Variants in NHEJ1 observed in about 807,000 individuals in gnomAD.
The protein encoded by NHEJ1 is non-homologous end-joining factor 1.
Under a neutral mutation model 39.4 loss-of-function variants are expected in NHEJ1, and 22 were observed. The ratio of observed to expected loss-of-function variants is 0.56; its 90% confidence interval spans 0.40 to 0.80. The LOEUF (loss-of-function observed/expected upper bound fraction) is 0.80, where lower values mean the gene tolerates loss of function less well. Ranked by LOEUF, NHEJ1 falls within the 30% of genes least tolerant of loss-of-function variation. The pLI is 0.00. For synonymous variants in NHEJ1, 154 were observed against 135.6 expected (o/e 1.14, Z -0.94); for missense variants, 329 against 357.1 (o/e 0.92, Z 0.63).
intron 5 of NHEJ1, among the ~76,000 whole-genome samples, chr2:219,080,635 A>G: frequency 1.4e-5 from 2 of 140,598 alleles, no homozygotes; most frequent in African/African-American, 5.5e-5. Flanking sequence ...GCTAATATAT[A>G]TAAGCTTATA....
At chr2:219,159,566 T>TGA in intron 1 of NHEJ1, among the ~76,000 whole-genome samples, 1 of 17,682 alleles carries the variant, frequency 5.7e-5, no homozygotes, top group Non-Finnish European at 1.3e-4. Context: ...TATATATGCA[T>TGA]ATATATATGC....
intron 5 of NHEJ1, among the ~76,000 whole-genome samples, chr2:219,098,519 G>C (rs1949228677): frequency 6.6e-6 from 1 of 152,192 alleles, no homozygotes; most frequent in African/African-American, 2.4e-5. Flanking sequence ...GTGTCTGAGG[G>C]TACATATGTT....
At chr2:219,093,307 C>T (rs751231351) in intron 5 of NHEJ1, among the ~76,000 whole-genome samples, 5 of 152,054 alleles carry the variant, frequency 3.3e-5, no homozygotes, top group South Asian at 2.1e-4. Context: ...CCAGAGGAAA[C>T]GGAGCAGGAT....
chr2:219,151,545 G>A (rs1436487327), intron 3 of NHEJ1, among the ~76,000 whole-genome samples: 1 of 152,132 alleles, frequency 6.6e-6, no homozygotes, highest in Non-Finnish European at 1.5e-5. Context: ...TAATTTCATA[G>A]GATTGGGTTA....
At chr2:219,158,726 T>C in intron 1 of NHEJ1, 1 of 316,382 alleles carries the variant, frequency 3.2e-6, no homozygotes, top group Non-Finnish European at 6.1e-6. Flanking sequence ...ATCACATTCC[T>C]AATAAATATG....
intron 5 of NHEJ1, among the ~76,000 whole-genome samples, chr2:219,101,303 T>A (rs1224480533): frequency 1.3e-5 from 2 of 152,188 alleles, no homozygotes; most frequent in Non-Finnish European, 2.9e-5. Flanking sequence ...TTAGTAGAGA[T>A]GGCATTTTGC....
chr2:219,103,859 A>C (rs1253970324), intron 5 of NHEJ1, among the ~76,000 whole-genome samples: 3 of 152,206 alleles, frequency 2.0e-5, no homozygotes, highest in Non-Finnish European at 2.9e-5. Flanking sequence ...TGGAGTCCCC[A>C]TTTAGACCAA....
At chr2:219,122,173 T>C (rs1190633498) in intron 5 of NHEJ1, among the ~76,000 whole-genome samples, 1 of 152,222 alleles carries the variant, frequency 6.6e-6, no homozygotes, top group African/African-American at 2.4e-5. Flanking sequence ...GGAGGGTATT[T>C]ACAGCCTTGT....
intron 5 of NHEJ1, among the ~76,000 whole-genome samples, chr2:219,143,827 A>G (rs1404676530): frequency 6.6e-6 from 1 of 152,182 alleles, no homozygotes; most frequent in East Asian, 1.9e-4. Context: ...TGAGCCTCTA[A>G]TTTTATAAAT....
At chr2:219,160,672 C>A (rs529135152) in intron 1 of NHEJ1, 48 bp downstream of exon 1, 58 of 152,466 alleles carry the variant, frequency 3.8e-4, no homozygotes, top group African/African-American at 1.3e-3. Context: ...GTCTGAGCAG[C>A]CCCTCGCTGG....
At chr2:219,134,015 C>T (rs1051211290) in intron 5 of NHEJ1, among the ~76,000 whole-genome samples, 4 of 152,198 alleles carry the variant, frequency 2.6e-5, no homozygotes, top group Non-Finnish European at 5.9e-5. Flanking sequence ...ACTTCTAGCT[C>T]TCCAGCTATC....
chr2:219,160,636 G>A (rs1368101913), intron 1 of NHEJ1, 84 bp downstream of exon 1: 1 of 147,804 alleles, frequency 6.8e-6, no homozygotes, highest in African/African-American at 2.5e-5. Flanking sequence ...AGGGAGAAAA[G>A]GCCAGCGCCA....
chr2:219,089,163 T>C (rs929729944), intron 5 of NHEJ1, among the ~76,000 whole-genome samples: 3 of 152,290 alleles, frequency 2.0e-5, no homozygotes, highest in East Asian at 1.9e-4. Flanking sequence ...TGAATCACTA[T>C]GGAAAACAGC....
intron 5 of NHEJ1, among the ~76,000 whole-genome samples, chr2:219,102,079 G>C (rs72951738): frequency 0.1 from 15,781 of 152,114 alleles, 822 homozygotes; most frequent in East Asian, 0.13. Context: ...CCGTAATTTA[G>C]TCATATTTCC....
intron 2 of NHEJ1, among the ~76,000 whole-genome samples, 183 bp downstream of exon 2, chr2:219,157,991 TCACACACACACA>T (rs58103413): frequency 9.5e-4 from 94 of 99,266 alleles, no homozygotes; most frequent in African/African-American, 2.4e-3. Flanking sequence ...TCTCTCTCTC[TCACACACACACA>T]CACACACACA....
intron 5 of NHEJ1, among the ~76,000 whole-genome samples, chr2:219,121,143 T>C (rs936630663): frequency 1.3e-5 from 2 of 151,786 alleles, no homozygotes; most frequent in African/African-American, 4.8e-5. Context: ...GAGGCTGAGG[T>C]TGCAGTGAGC....
At chr2:219,137,593 C>CA (rs1290030506) in intron 5 of NHEJ1, among the ~76,000 whole-genome samples, 4 of 82,180 alleles carry the variant, frequency 4.9e-5, no homozygotes, top group Admixed American at 4.3e-4. Context: ...AAAAAAAAAA[C>CA]AAAAAAAACT....
At chr2:219,158,098 C>T (rs1325808327) in intron 2 of NHEJ1, 88 bp downstream of exon 2, 3 of 1,388,924 alleles carry the variant, frequency 2.2e-6, no homozygotes. Flanking sequence ...TTGTCTCAAC[C>T]CGATTCAACC....
chr2:219,113,753 C>T (rs1384753115), intron 5 of NHEJ1, among the ~76,000 whole-genome samples: 1 of 152,112 alleles, frequency 6.6e-6, no homozygotes, highest in African/African-American at 2.4e-5. Flanking sequence ...CTTGGCAAAC[C>T]TATTAAGCTA....
Sources: gnomAD v4.1 joint callset for allele counts (sites outside exome capture counted in the v4.1 genomes callset) on GRCh38, gnomAD v4.1.1 for gene constraint, MANE v1.5 for transcripts, NCBI Gene and HGNC (gene_info 2026-07-23, HGNC 2026-07-21) for gene names.